The following SLIT3 variants were observed in gnomAD, a reference collection of about 807,000 sequenced individuals.
SLIT3 encodes the protein slit guidance ligand 3.
In SLIT3, 68 loss-of-function variants were observed where a neutral mutation model predicts 184.0. That is an observed-to-expected ratio of 0.37 (90% CI 0.30 to 0.45). The LOEUF is 0.45. Among genes scored for constraint, SLIT3 ranks in the 20% least tolerant of loss-of-function variants. The pLI is 1.00. For synonymous variants in SLIT3, 831 were observed against 828.6 expected (o/e 1.00, Z -0.05); for missense variants, 1,707 against 2,026.0 (o/e 0.84, Z 3.02).
At chr5:169,115,958 G>T (rs996761848) in intron 4 of SLIT3, among the ~76,000 whole-genome samples, 1 of 152,102 alleles carries the variant, frequency 6.6e-6, no homozygotes, top group Non-Finnish European at 1.5e-5. Context: ...TGCCCTTAGG[G>T]TAGATACTCT....
At chr5:168,683,784 C>T (rs762388943) in intron 32 of SLIT3, among the ~76,000 whole-genome samples, 182 bp downstream of exon 32, 5 of 152,170 alleles carry the variant, frequency 3.3e-5, no homozygotes, top group Middle Eastern at 3.2e-3. Context: ...TCCTCTGACA[C>T]GCCTTTCTCC....
At chr5:168,852,571 T>C (rs1758718776) in intron 5 of SLIT3, among the ~76,000 whole-genome samples, 1 of 152,246 alleles carries the variant, frequency 6.6e-6, no homozygotes, top group South Asian at 2.1e-4. Context: ...TCCCTGACAG[T>C]GCACTGAAAC....
chr5:169,124,897 C>T (rs183641213), intron 4 of SLIT3, among the ~76,000 whole-genome samples: 3 of 152,186 alleles, frequency 2.0e-5, no homozygotes, highest in African/African-American at 7.2e-5. Context: ...ATATTTCAAG[C>T]ATCCCCTTGT....
chr5:168,938,653 C>T (rs770300607), intron 4 of SLIT3, among the ~76,000 whole-genome samples: 17 of 152,204 alleles, frequency 1.1e-4, no homozygotes, highest in South Asian at 2.1e-4. Flanking sequence ...TTTTTTGAGA[C>T]GGAGTCTCAC....
intron 4 of SLIT3, among the ~76,000 whole-genome samples, chr5:168,975,461 C>T (rs868767595): frequency 6.6e-6 from 1 of 151,900 alleles, no homozygotes; most frequent in Non-Finnish European, 1.5e-5. Flanking sequence ...AGACACCCCC[C>T]CACACACACA....
At chr5:168,856,766 CGTGTGTGTGTGT>C (rs372608852) in intron 5 of SLIT3, among the ~76,000 whole-genome samples, 122 of 132,928 alleles carry the variant, frequency 9.2e-4, no homozygotes, top group East Asian at 5.0e-3. Context: ...CTGAGTTCCT[CGTGTGTGTGTGT>C]GTGTGTGTGT....
At chr5:168,956,069 A>C (rs1462128798) in intron 4 of SLIT3, among the ~76,000 whole-genome samples, 1 of 152,206 alleles carries the variant, frequency 6.6e-6, no homozygotes, top group Non-Finnish European at 1.5e-5. Flanking sequence ...AGCAAAACTC[A>C]TTTTGAGTTT....
intron 3 of SLIT3, among the ~76,000 whole-genome samples, chr5:169,241,348 T>A (rs1765399228): frequency 6.6e-6 from 1 of 152,212 alleles, no homozygotes; most frequent in African/African-American, 2.4e-5. Flanking sequence ...AGATGGTATA[T>A]GTAAAGTGCC....
chr5:169,211,936 T>C (rs914549529), intron 3 of SLIT3, among the ~76,000 whole-genome samples: 1 of 152,226 alleles, frequency 6.6e-6, no homozygotes, highest in Non-Finnish European at 1.5e-5. Flanking sequence ...TCCAGCTTCA[T>C]CCATATTCCT....
At chr5:169,026,234 C>T (rs1435648152) in intron 4 of SLIT3, 1 of 152,078 alleles carries the variant, frequency 6.6e-6, no homozygotes, top group African/African-American at 2.4e-5. Context: ...AATGCCACAG[C>T]CTAATTTTAA....
At chr5:169,018,457 CA>C (rs1268669183) in intron 4 of SLIT3, 1 of 152,206 alleles carries the variant, frequency 6.6e-6, no homozygotes, top group African/African-American at 2.4e-5. Context: ...ACTGCTGAGT[CA>C]AAGAGGGTTT....
intron 26 of SLIT3, among the ~76,000 whole-genome samples, chr5:168,701,462 C>G (rs763907896): frequency 6.6e-6 from 1 of 152,172 alleles, no homozygotes; most frequent in Admixed American, 6.5e-5. Flanking sequence ...TTGGAGCAGG[C>G]CCCTCTGAAG....
In SLIT3 at chr5:169,296,471, T is replaced by C. The variant is rs567833280; in HGVS notation, c.197+4042A>G. The stretch of plus-strand genomic sequence containing the variant: ...GCGGGTCCACTCAGCTGCTCCTTAG[T>C]CTGTCCAGGAGGGCACTGTGTTTCC... On this transcript the variant is annotated intron_variant, in intron 1 of 35. Coordinates refer to ENST00000519560, the MANE Select transcript of SLIT3 (RefSeq NM_003062.4). 4.6e-5 allele frequency among the ~76,000 whole-genome samples: 7 copies of C among 152,340 alleles called. No individual in the cohort carries two copies. The East Asian group carries it at 1.2e-3, about 25-fold the overall frequency.
intron 5 of SLIT3, among the ~76,000 whole-genome samples, chr5:168,866,290 T>C (rs112467311): frequency 2.7e-4 from 41 of 152,306 alleles, no homozygotes; most frequent in African/African-American, 8.9e-4. Context: ...CCCTCCACTG[T>C]TTGGAGAAAA....
chr5:168,951,988 G>A (rs561122585), intron 4 of SLIT3, among the ~76,000 whole-genome samples: 5 of 152,216 alleles, frequency 3.3e-5, no homozygotes, highest in East Asian at 3.9e-4. Context: ...CATGCTTACC[G>A]CCCTGGATCC....
chr5:168,866,698 C>A (rs1232586490), intron 5 of SLIT3, among the ~76,000 whole-genome samples: 4 of 152,170 alleles, frequency 2.6e-5, no homozygotes, highest in African/African-American at 7.2e-5. Context: ...CATATTTTGA[C>A]TCTGCTATGT....
chr5:169,239,585 C>T (rs1268627799), intron 3 of SLIT3, among the ~76,000 whole-genome samples: 1 of 151,938 alleles, frequency 6.6e-6, no homozygotes, highest in African/African-American at 2.4e-5. Context: ...TCAAAGTCTG[C>T]TCCTATTATC....
rs1320810032 is a variant in SLIT3, at chr5:169,300,042, G to A, written c.197+471C>T. On this transcript the variant is annotated intron_variant, in intron 1 of 35. Transcript: ENST00000519560. This position sits in a 1 kb window ranked among gnomAD's most constrained non-coding sequence, Gnocchi z 4.1. ...AACTTTCCTTGCAAGGGCAGCCAGA[G>A]AGCGGCTGGCCCATTCTGATCTCCA... Among the ~76,000 whole-genome samples the A allele has an allele frequency of 6.6e-6, 1 of 152,220 alleles. No homozygotes were observed. Among genetic ancestry groups the A allele is most frequent in the Non-Finnish European group, 1.5e-5 (1 of 68,048 alleles).
In SLIT3 at chr5:168,798,220, C is replaced by CTTTTTTTTT. The variant is rs575178855; in HGVS notation, c.936-2643_936-2642insAAAAAAAAA. Among the ~76,000 whole-genome samples the CTTTTTTTTT allele has an allele frequency of 4.0e-3, 450 of 112,168 alleles. 43 individuals carry two copies. The highest frequency in any genetic ancestry group is 0.017 in the African/African-American group (417 of 24,010). 73.6% of individuals were successfully genotyped at this position (112,168 alleles called of 152,430 possible). A position where few individuals can be genotyped will look rare whatever the true frequency, so the allele number is the denominator to read the frequency against. Reference sequence around the variant, plus strand: ...CTTTTGGTTTTCTTTTCTTCTTCTTCTTCTTTTTTTTTTTTTTTTAAGAGA... The same window carrying CTTTTTTTTT: ...CTTTTGGTTTTCTTTTCTTCTTCTTCTTTTTTTTTTTCTTTTTTTTTTTTTTTTAAGAGA... On this transcript the variant is annotated intron_variant, in intron 9 of 35. Coordinates refer to ENST00000519560, the MANE Select transcript of SLIT3 (RefSeq NM_003062.4).
Sources: allele counts gnomAD v4.1 joint callset (sites outside exome capture counted in the v4.1 genomes callset), GRCh38; gene constraint gnomAD v4.1.1; non-coding constraint Gnocchi (gnomAD v3.1); transcripts MANE v1.5; gene names NCBI Gene and HGNC (gene_info 2026-07-23, HGNC 2026-07-21).